The following HERC2 variants were observed in gnomAD, a reference collection of about 807,000 sequenced individuals.
HERC2 encodes E3 ubiquitin-protein ligase HERC2.
HERC2 carries 102 observed loss-of-function variants against 537.7 expected under a neutral mutation model. The ratio of observed to expected loss-of-function variants is 0.19; its 90% confidence interval spans 0.16 to 0.22. HERC2 has a LOEUF of 0.22. HERC2 is among the 10% of genes least tolerant of loss of function. The probability of loss-of-function intolerance (pLI) is 1.00; values close to 1 mark genes in which losing one functional copy is unlikely to be tolerated. For missense variants in HERC2, 4,236 were observed against 6,198.2 expected, an observed-to-expected ratio of 0.68 and a Z score of 10.63; for synonymous variants, 2,224 against 2,466.2, an observed-to-expected ratio of 0.90 and a Z score of 2.91.
chr15:28,252,630 A>C (rs2075120751), intron 20 of HERC2, among the ~76,000 whole-genome samples: 1 of 152,206 alleles, frequency 6.6e-6, no homozygotes, highest in Admixed American at 6.5e-5. Flanking sequence ...AGCTGTTGCA[A>C]CTGAAATTTT....
rs1891733340 is a variant in HERC2 at position 28,146,354 on chromosome 15, AG to A, written c.10901-11del. The A allele has an allele frequency of 6.3e-7, 1 of 1,594,506 alleles. No individual in the cohort carries two copies. The highest frequency in any genetic ancestry group is 1.3e-5 in the African/African-American group (1 of 74,474). ...CTGAGTCCTTCTGCACCTGAAGGAC[AG>A]GCAAGCACAAAACATAGCAACCACT... On this transcript the variant is annotated splice_polypyrimidine_tract_variant and intron_variant, in intron 70 of 92. Coordinates refer to ENST00000261609, the MANE Select transcript of HERC2 (RefSeq NM_004667.6).
intron 21 of HERC2, 148 bp from the exon 22 acceptor site, chr15:28,247,045 G>C: frequency 1.5e-6 from 1 of 679,876 alleles, no homozygotes; most frequent in Non-Finnish European, 2.5e-6. Context: ...TTGTCCTTGC[G>C]CTCTTTCTGT....
chr15:28,315,331 T>C (rs2077052336), intron 2 of HERC2, among the ~76,000 whole-genome samples: 1 of 152,222 alleles, frequency 6.6e-6, no homozygotes, highest in East Asian at 1.9e-4. Flanking sequence ...CAGGAAGCCA[T>C]ACTCCAACTC....
At chr15:28,121,299 A>G (rs759261532) in intron 86 of HERC2, 47 bp downstream of exon 86, 4 of 1,547,790 alleles carry the variant, frequency 2.6e-6, no homozygotes, top group Non-Finnish European at 3.6e-6. Flanking sequence ...CCACGAAAGC[A>G]TCACTTCTAA....
At chr15:28,242,273 G>A (rs1215000795) in intron 23 of HERC2, among the ~76,000 whole-genome samples, 1 of 152,082 alleles carries the variant, frequency 6.6e-6, no homozygotes. Flanking sequence ...GCCACTAAAT[G>A]GTACACTTAA....
chr15:28,209,975 G>C (rs1477485190), intron 44 of HERC2, among the ~76,000 whole-genome samples: 1 of 69,522 alleles, frequency 1.4e-5, no homozygotes, highest in Admixed American at 2.4e-4. Context: ...TTGAGACAAA[G>C]TCTCACTCTG....
intron 57 of HERC2, among the ~76,000 whole-genome samples, chr15:28,180,001 CAT>C (rs1895676547): frequency 6.6e-6 from 1 of 152,076 alleles, no homozygotes; most frequent in East Asian, 1.9e-4. Flanking sequence ...GTCACCTAAG[CAT>C]ATAGTGTTTC....
intron 34 of HERC2, among the ~76,000 whole-genome samples, chr15:28,228,917 A>G (rs1183391986): frequency 2.6e-5 from 4 of 152,228 alleles, no homozygotes; most frequent in Non-Finnish European, 4.4e-5. Context: ...CTATCCAGGA[A>G]ATAAATATTA....
intron 4 of HERC2, 90 bp downstream of exon 4, chr15:28,292,798 T>C: frequency 1.5e-6 from 2 of 1,306,516 alleles, no homozygotes; most frequent in South Asian, 2.7e-5. Context: ...TTTAAAATTG[T>C]TACCAAAAAA....
At chr15:28,209,445 A>G (rs942318908) in intron 44 of HERC2, among the ~76,000 whole-genome samples, 14 of 151,934 alleles carry the variant, frequency 9.2e-5, no homozygotes, top group East Asian at 7.8e-4. Context: ...CCGAGTTCAC[A>G]CCATTCTCCT....
chr15:28,262,637 C>G (rs1042946323), intron 15 of HERC2, among the ~76,000 whole-genome samples: 1 of 152,050 alleles, frequency 6.6e-6, no homozygotes, highest in Non-Finnish European at 1.5e-5. Context: ...GTCCAGCCTG[C>G]TGAGTGATTA....
At chr15:28,129,472 A>G (rs1889868451) in intron 83 of HERC2, among the ~76,000 whole-genome samples, 1 of 152,362 alleles carries the variant, frequency 6.6e-6, no homozygotes, top group Admixed American at 6.5e-5. Flanking sequence ...AGACCAAGGA[A>G]AGCAGATTTC....
At position 28,125,049 on chromosome 15, in the gene HERC2, C is replaced by G; in HGVS notation, c.12947G>C (p.Trp4316Ser). 1 of 1,606,628 alleles carries G rather than the reference C, an allele frequency of 6.2e-7. No individual in the cohort carries two copies. Among genetic ancestry groups the G allele is most frequent in the Admixed American group, 1.7e-5 (1 of 59,920 alleles). Residue 4316 changes from tryptophan to serine, a missense_variant, in exon 84 of 93, where the codon TGG becomes TCG. By Grantham distance (177) the Trp-to-Ser change is radical. Coordinates refer to ENST00000261609, the MANE Select transcript of HERC2 (RefSeq NM_004667.6). The stretch of plus-strand genomic sequence containing the variant: ...AGCACTGGCGGGCTTGCTGGTCGAC[C>G]AGGCGAGGGTATGTGCTGAGCCACA... ...VACGSAHTLA[W>S]STSKPASAGK...
chr15:28,170,831 G>C lies in HERC2; in HGVS notation c.10058-1176C>G, dbSNP rs140257470. 3.7e-3 allele frequency among the ~76,000 whole-genome samples: 549 copies of C among 148,420 alleles called. 8 individuals carry two copies. Among genetic ancestry groups the C allele is most frequent in the African/African-American group, 0.013 (514 of 40,762 alleles). The stretch of plus-strand genomic sequence containing the variant: ...GAAAAAAAAAAAGCCAATTAGAAAA[G>C]GGCATGAAGACATATTTTACCAAAG... On this transcript the variant is annotated intron_variant, in intron 65 of 92. Transcript: ENST00000261609.
chr15:28,183,133 T>C (rs1012455276), intron 56 of HERC2, among the ~76,000 whole-genome samples: 2 of 152,198 alleles, frequency 1.3e-5, no homozygotes, highest in Non-Finnish European at 2.9e-5. Context: ...CCTCGTCTCC[T>C]GTCCTTCCCA....
intron 68 of HERC2, among the ~76,000 whole-genome samples, chr15:28,163,963 C>T (rs954679726): frequency 1.3e-5 from 2 of 152,158 alleles, no homozygotes; most frequent in African/African-American, 4.8e-5. Flanking sequence ...GGTGCCTTGC[C>T]CAGGATGGCC....
In HERC2 at chr15:28,198,374, T is replaced by C. The variant is rs1340484064; in HGVS notation, c.8011+4A>G. ...CAGGAATTTTATTACCCAGATAATA[T>C]TACCTTTCACAACCCCCACACTCTG... On this transcript the variant is annotated splice_donor_region_variant and intron_variant, in intron 50 of 92. Coordinates refer to ENST00000261609, the MANE Select transcript of HERC2 (RefSeq NM_004667.6). 6.2e-7 allele frequency: 1 copy of C among 1,610,578 alleles called. No homozygotes were observed. Among genetic ancestry groups the C allele is most frequent in the Non-Finnish European group, 8.5e-7 (1 of 1,179,452 alleles).
chr15:28,149,033 C>T lies in HERC2; in HGVS notation c.10901-2689G>A, dbSNP rs528831757. ...ACATCACCGAGAACGGCCGCACAAACGTACATTCTAGTAAAATTACCGAAA... is the reference window on the plus strand; with the variant it reads ...ACATCACCGAGAACGGCCGCACAAATGTACATTCTAGTAAAATTACCGAAA... On this transcript the variant is annotated intron_variant, in intron 70 of 92. Coordinates refer to ENST00000261609, the MANE Select transcript of HERC2 (RefSeq NM_004667.6). Among the ~76,000 whole-genome samples the T allele has an allele frequency of 1.2e-3, 183 of 151,330 alleles. No individual in the cohort carries two copies. The East Asian group carries it at 0.013, about 11-fold the overall frequency.
At chr15:28,132,016 G>A (rs1028268357) in intron 81 of HERC2, 84 bp downstream of exon 81, 5 of 1,225,876 alleles carry the variant, frequency 4.1e-6, no homozygotes, top group Non-Finnish European at 5.6e-6. Context: ...TGGTGGCTCT[G>A]AGGCTGTGTT....
Sources: allele counts gnomAD v4.1 joint callset (sites outside exome capture counted in the v4.1 genomes callset), GRCh38; gene constraint gnomAD v4.1.1; transcripts MANE v1.5; gene names NCBI Gene and HGNC (gene_info 2026-07-23, HGNC 2026-07-21).